The following CD302 variants were observed in gnomAD, a reference collection of about 807,000 sequenced individuals.
CD302 encodes CD302 molecule.
Under a neutral mutation model 26.5 loss-of-function variants are expected in CD302, and 23 were observed. That is an observed-to-expected ratio of 0.87 (90% CI 0.62 to 1.23). The LOEUF (loss-of-function observed/expected upper bound fraction) is 1.23. CD302 is among the 50% of genes most tolerant of loss of function. The pLI is 0.00. For synonymous variants in CD302, 90 were observed against 99.4 expected (o/e 0.91, Z 0.56); for missense variants, 290 against 275.5 (o/e 1.05, Z -0.37).
chr2:159,781,009 T>C lies in CD302; in HGVS notation c.179-11A>G. On this transcript the variant is annotated splice_polypyrimidine_tract_variant and intron_variant, in intron 2 of 5. Transcript: ENST00000259053. ...TTATCATGTCCGCTCCTGAAATTAT[T>C]TTAAAGAGAAAAAAAGTCAGCATAT... 1 of 1,592,328 alleles carries C rather than the reference T, an allele frequency of 6.3e-7. No individual in the cohort carries two copies. The highest frequency in any genetic ancestry group is 8.5e-7 in the Non-Finnish European group (1 of 1,173,976).
chr2:159,778,336 A>G (rs1708401182), intron 4 of CD302, among the ~76,000 whole-genome samples: 1 of 152,230 alleles, frequency 6.6e-6, no homozygotes, highest in South Asian at 2.1e-4. Context: ...GGATGTACTC[A>G]CTATTTCTGA....
chr2:159,776,353 CAA>C (rs1708324157), intron 5 of CD302, among the ~76,000 whole-genome samples: 1 of 152,244 alleles, frequency 6.6e-6, no homozygotes, highest in East Asian at 1.9e-4. Context: ...CATAGATACA[CAA>C]ATATCAAACA....
intron 5 of CD302, among the ~76,000 whole-genome samples, chr2:159,775,266 AC>A (rs1005098542): frequency 6.6e-6 from 1 of 152,246 alleles, no homozygotes; most frequent in African/African-American, 2.4e-5. Context: ...TAAATTACAT[AC>A]ACATATTTAA....
chr2:159,794,305 T>TAAAATAATAA (rs1553795853), intron 1 of CD302, among the ~76,000 whole-genome samples: 5,629 of 108,032 alleles, frequency 0.052, 238 homozygotes, highest in Non-Finnish European at 0.079. Flanking sequence ...AATAAAATAA[T>TAAAATAATAA]AAAAAAAAAA....
At position 159,778,043 on chromosome 2, in the gene CD302, T is replaced by C. The variant is rs144119568; in HGVS notation, c.470-79A>G. On this transcript the variant is annotated intron_variant, in intron 4 of 5. Transcript: ENST00000259053. The stretch of plus-strand genomic sequence containing the variant: ...TTGACTTTAAACATGTTCACAATCA[T>C]TAAAAATAAACCCTTTTATTAGTAG... 5.3e-5 allele frequency: 30 copies of C among 561,898 alleles called. No homozygotes were observed. The East Asian group carries it at 1.7e-3, about 31-fold the overall frequency. 34.8% of individuals were successfully genotyped at this position (561,898 alleles called of 1,614,324 possible).
At chr2:159,775,736 C>A (rs1000962225) in intron 5 of CD302, among the ~76,000 whole-genome samples, 6 of 152,190 alleles carry the variant, frequency 3.9e-5, no homozygotes, top group African/African-American at 1.4e-4. Flanking sequence ...CAGAACAACT[C>A]ATTTTGTAAA....
chr2:159,771,905 T>C lies in CD302; in HGVS notation c.645A>G (p.Glu215=), dbSNP rs1367758633. Residue 215 remains glutamate (E), a synonymous_variant, in exon 6 of 6, where the codon GAA becomes GAG. Coordinates refer to ENST00000259053, the MANE Select transcript of CD302 (RefSeq NM_014880.5). ...CTTCTCCAACTACCAAAACACAGTC[T>C]TCATTATAAGGTGATTGGGGTGCGG... The part of the protein sequence containing the change: ...FSTAPQSPYN[E]DCVLVVGEEN... 1.2e-6 allele frequency: 2 copies of C among 1,613,926 alleles called. No individual in the cohort carries two copies. The highest frequency in any genetic ancestry group is 2.2e-5 in the East Asian group (1 of 44,866).
intron 5 of CD302, among the ~76,000 whole-genome samples, chr2:159,774,562 G>A (rs533342313): frequency 5.9e-5 from 9 of 152,296 alleles, no homozygotes; most frequent in Admixed American, 1.3e-4. Context: ...ACTTGCCCAA[G>A]TCCATTTAGT....
intron 3 of CD302, 60 bp downstream of exon 3, chr2:159,780,822 G>GT: frequency 6.8e-7 from 1 of 1,480,628 alleles, no homozygotes; most frequent in African/African-American, 1.4e-5. Flanking sequence ...AAAGCCATCA[G>GT]TTTTGCTACA....
chr2:159,777,267 C>T (rs1213170249), intron 5 of CD302, among the ~76,000 whole-genome samples: 1 of 152,122 alleles, frequency 6.6e-6, no homozygotes, highest in African/African-American at 2.4e-5. Context: ...AATAAATAAT[C>T]ATCTGAAAGG....
In CD302 at chr2:159,798,021, G is replaced by C. The variant is rs568058533; in HGVS notation, c.67+111C>G. 1.3e-3 allele frequency: 1,334 copies of C among 1,033,654 alleles called. 4 individuals are homozygous for C. Among genetic ancestry groups the C allele is most frequent in the Non-Finnish European group, 1.5e-3 (1,123 of 735,828 alleles). 64.0% of individuals were successfully genotyped at this position (1,033,654 alleles called of 1,614,324 possible). A position where few individuals can be genotyped will look rare whatever the true frequency, so the allele number is the denominator to read the frequency against. ...CAGGGAAGGGCGGGATGGCCGGCCG[G>C]GTGTTGCGTCTGCGGGCCGCCCTCG... On this transcript the variant is annotated intron_variant, in intron 1 of 5. Transcript: ENST00000259053.
In CD302 at chr2:159,769,794, T is replaced by C. The variant is rs528250617; in HGVS notation, c.*2057A>G. Reference sequence around the variant, plus strand: ...TATCAAAATGTACAAAAGAAAGTTGTATGGGAGTTGAGTGGAAGGTAGGAT... The same window carrying C: ...TATCAAAATGTACAAAAGAAAGTTGCATGGGAGTTGAGTGGAAGGTAGGAT... On this transcript the variant is annotated 3_prime_UTR_variant, in exon 6 of 6. Coordinates refer to ENST00000259053, the MANE Select transcript of CD302 (RefSeq NM_014880.5). The C allele has an allele frequency of 1.1e-4, 16 of 152,228 alleles. No individual in the cohort carries two copies. Among genetic ancestry groups the C allele is most frequent in the African/African-American group, 3.9e-4 (16 of 41,534 alleles). The allele number at this position is 152,228 out of a possible 1,614,324, so 9.4% of individuals were successfully genotyped here.
At position 159,798,133 on chromosome 2, in the gene CD302, C is replaced by T. The variant is rs1323325211; in HGVS notation, c.66G>A (p.Ala22=). Reference sequence around the variant, plus strand: ...GCGAGGGACTACGTAAGGGCTTACCCGCGACGGCAGCAGCGGCGAGGCCCA... The same window carrying T: ...GCGAGGGACTACGTAAGGGCTTACCTGCGACGGCAGCAGCGGCGAGGCCCA... ...PLLGLAAAAV[A]DCPSSTWIQF... The change falls in exon 1 of 6, where the codon GCG becomes GCA. Residue 22 remains alanine (A), a splice_region_variant and synonymous_variant. Coordinates refer to ENST00000259053, the MANE Select transcript of CD302 (RefSeq NM_014880.5). The T allele has an allele frequency of 5.4e-6, 8 of 1,487,628 alleles. No homozygotes were observed. Among genetic ancestry groups the T allele is most frequent in the Non-Finnish European group, 7.1e-6 (8 of 1,124,536 alleles). 92.2% of individuals were successfully genotyped at this position (1,487,628 alleles called of 1,614,324 possible). A position where few individuals can be genotyped will look rare whatever the true frequency, so the allele number is the denominator to read the frequency against.
rs1574493327 is a variant in CD302 at position 159,781,683 on chromosome 2, T to G, written c.179-685A>C. 2.0e-5 allele frequency among the ~76,000 whole-genome samples: 3 copies of G among 152,236 alleles called. No homozygotes were observed. In the East Asian group the frequency reaches 5.8e-4, roughly 29 times the overall value. The stretch of plus-strand genomic sequence containing the variant: ...GGGAAAACTTGTTTTAAAAATATTC[T>G]AAGACCAGCAAAATTGCTATTATTT... On this transcript the variant is annotated intron_variant, in intron 2 of 5. Coordinates refer to ENST00000259053, the MANE Select transcript of CD302 (RefSeq NM_014880.5).
At position 159,780,160 on chromosome 2, in the gene CD302, A is replaced by T. The variant is rs1454785525; in HGVS notation, c.314T>A (p.Phe105Tyr). The change falls in exon 4 of 6, where the codon TTT (phenylalanine) becomes TAT (tyrosine). Residue 105 changes from phenylalanine (F) to tyrosine (Y), a missense_variant. By Grantham distance (22) the Phe-to-Tyr change is conservative. Transcript: ENST00000259053. Reference sequence around the variant, plus strand: ...ATCAAATGTCATATTTGAATTATCAAACCACTTGAAACTCGCATCTGTCAA... The same window carrying T: ...ATCAAATGTCATATTTGAATTATCATACCACTTGAAACTCGCATCTGTCAA... The part of the protein sequence containing the change: ...YDTDDASFKW[F>Y]DNSNMTFDKW... 6.2e-7 allele frequency: 1 copy of T among 1,613,554 alleles called. No individual in the cohort carries two copies. The highest frequency in any genetic ancestry group is 1.3e-5 in the African/African-American group (1 of 74,890).
intron 1 of CD302, among the ~76,000 whole-genome samples, chr2:159,795,185 C>T (rs959600469): frequency 2.6e-4 from 39 of 150,658 alleles, no homozygotes; most frequent in Non-Finnish European, 4.1e-4. Context: ...ATTGCGCCAC[C>T]GCACTCCAGC....
chr2:159,779,740 A>G (rs1560043993), intron 4 of CD302, among the ~76,000 whole-genome samples: 2 of 151,740 alleles, frequency 1.3e-5, no homozygotes, highest in African/African-American at 2.4e-5. Context: ...TGTATTTCGG[A>G]CCGCAGGTGC....
chr2:159,776,697 ATTTT>A (rs753454427), intron 5 of CD302, among the ~76,000 whole-genome samples: 8 of 114,622 alleles, frequency 7.0e-5, no homozygotes, highest in South Asian at 2.8e-4. Context: ...CTCACATCCA[ATTTT>A]TTTTTTTTTT....
chr2:159,796,846 G>T (rs913762032), intron 1 of CD302, among the ~76,000 whole-genome samples: 2 of 152,072 alleles, frequency 1.3e-5, no homozygotes, highest in East Asian at 3.8e-4. Context: ...AAGAAAATTC[G>T]ACTAGCCTAA....
Sources: gnomAD v4.1 joint callset for allele counts (sites outside exome capture counted in the v4.1 genomes callset) on GRCh38, gnomAD v4.1.1 for gene constraint, MANE v1.5 for transcripts, NCBI Gene and HGNC (gene_info 2026-07-23, HGNC 2026-07-21) for gene names.